The following TLE4 variants were observed in gnomAD, a reference collection of about 807,000 sequenced individuals.
The protein encoded by TLE4 is transducin-like enhancer protein 4.
A neutral mutation model predicts 92.8 loss-of-function variants in TLE4; 8 were observed. The ratio of observed to expected loss-of-function variants is 0.09; its 90% confidence interval spans 0.05 to 0.16. TLE4 has a LOEUF of 0.16. Among genes scored for constraint, TLE4 ranks in the 10% least tolerant of loss-of-function variants. The pLI is 1.00. For synonymous variants in TLE4, 371 were observed against 374.1 expected, an observed-to-expected ratio of 0.99 and a Z score of 0.10; for missense variants, 675 against 997.6, an observed-to-expected ratio of 0.68 and a Z score of 4.36.
chr9:79,592,155 C>CTTCTTTCTTCTTTCTTCT (rs2042715360), intron 4 of TLE4, among the ~76,000 whole-genome samples: 2 of 146,234 alleles, frequency 1.4e-5, no homozygotes, highest in African/African-American at 2.6e-5. Context: ...CTTCTTTCTT[C>CTTCTTTCTTCTTTCTTCT]TTCTTCTTCT....
At chr9:79,626,995 A>C (rs1023061996) in intron 5 of TLE4, among the ~76,000 whole-genome samples, 1 of 152,228 alleles carries the variant, frequency 6.6e-6, no homozygotes. Context: ...ATTTTAATGT[A>C]GATAGCAAAG....
At chr9:79,709,789 G>A in intron 14 of TLE4, 90 bp downstream of exon 14, 1 of 1,033,168 alleles carries the variant, frequency 9.7e-7, no homozygotes, top group Middle Eastern at 2.1e-4. Context: ...AGACAGTGTT[G>A]GGGGAGTTCC....
chr9:79,617,793 G>T (rs966343615), intron 5 of TLE4, among the ~76,000 whole-genome samples: 11 of 151,248 alleles, frequency 7.3e-5, no homozygotes, highest in Non-Finnish European at 1.3e-4. Flanking sequence ...TGAATGTTTG[G>T]CTGCTTTAAC....
At chr9:79,716,146 G>T (rs78431934) in intron 14 of TLE4, among the ~76,000 whole-genome samples, 2 of 152,266 alleles carry the variant, frequency 1.3e-5, no homozygotes, top group East Asian at 3.9e-4. Context: ...ACTCATCACA[G>T]CCTATATGGC....
intron 8 of TLE4, among the ~76,000 whole-genome samples, chr9:79,699,117 GTGCT>G (rs1391922230): frequency 6.6e-6 from 1 of 152,130 alleles, no homozygotes; most frequent in Non-Finnish European, 1.5e-5. Context: ...CAGAAATACA[GTGCT>G]TTGTGGTCTG....
chr9:79,583,470 C>T (rs966114008), intron 4 of TLE4, among the ~76,000 whole-genome samples: 6 of 152,156 alleles, frequency 3.9e-5, no homozygotes, highest in African/African-American at 4.8e-5. Context: ...ACTTCTCTCC[C>T]GGTGCGAGAC....
At chr9:79,665,797 A>T (rs2061296604) in intron 8 of TLE4, among the ~76,000 whole-genome samples, 1 of 152,234 alleles carries the variant, frequency 6.6e-6, no homozygotes. Flanking sequence ...TTTCAAAATT[A>T]GTAAATAATT....
intron 5 of TLE4, among the ~76,000 whole-genome samples, chr9:79,617,834 G>GA (rs202053188): frequency 0.34 from 47,319 of 139,046 alleles, 7,956 homozygotes; most frequent in African/African-American, 0.45. Context: ...TTTTTTCAAG[G>GA]AAAAAAAAAA....
chr9:79,573,328 C>A (rs776571859), intron 1 of TLE4: 75 of 1,071,900 alleles, frequency 7.0e-5, no homozygotes, highest in Non-Finnish European at 7.5e-5. Context: ...CGCAGCCCGA[C>A]GCCATGGCGC....
chr9:79,689,327 GTTTTT>G (rs78898388), intron 8 of TLE4, among the ~76,000 whole-genome samples: 23 of 144,656 alleles, frequency 1.6e-4, no homozygotes, highest in African/African-American at 4.8e-4. Flanking sequence ...TTTTATTGTT[GTTTTT>G]TTTTTTTCTT....
At chr9:79,636,106 A>T (rs1362462928) in intron 6 of TLE4, among the ~76,000 whole-genome samples, 1 of 152,050 alleles carries the variant, frequency 6.6e-6, no homozygotes, top group African/African-American at 2.4e-5. Flanking sequence ...CAGCAGCCAG[A>T]GTGACCTTCT....
intron 8 of TLE4, among the ~76,000 whole-genome samples, chr9:79,661,570 A>G (rs1311337163): frequency 6.6e-6 from 1 of 152,244 alleles, no homozygotes; most frequent in African/African-American, 2.4e-5. Flanking sequence ...GGAGCTGAGT[A>G]GTACTTTCTG....
At chr9:79,628,010 T>A (rs1159894547) in intron 6 of TLE4, among the ~76,000 whole-genome samples, 1 of 152,084 alleles carries the variant, frequency 6.6e-6, no homozygotes, top group Non-Finnish European at 1.5e-5. Context: ...ATAGTGGCAT[T>A]AATGTTGCAT....
Position 79,626,077 on chromosome 9 carries a change from A to G in TLE4, c.316-1297A>G, listed in dbSNP as rs148431076. Among the ~76,000 whole-genome samples the G allele has an allele frequency of 7.8e-4, 118 of 152,216 alleles. 1 individual carries two copies. The East Asian group carries it at 0.022, about 29-fold the overall frequency. On this transcript the variant is annotated intron_variant, in intron 5 of 19. Coordinates refer to ENST00000376552, the MANE Select transcript of TLE4 (RefSeq NM_007005.6). ...CATTAGTCATAGACACAAAATACACATTTCTATTAGGAAACCAAGAGTGAA... is the reference window on the plus strand; with the variant it reads ...CATTAGTCATAGACACAAAATACACGTTTCTATTAGGAAACCAAGAGTGAA...
At chr9:79,576,041 G>T (rs2037647360) in intron 3 of TLE4, 92 bp from the exon 4 acceptor site, 2 of 838,428 alleles carry the variant, frequency 2.4e-6, no homozygotes, top group Non-Finnish European at 3.4e-6. Flanking sequence ...AGGCTTTTAT[G>T]TTTGTTTCAG....
intron 8 of TLE4, among the ~76,000 whole-genome samples, chr9:79,659,864 G>A (rs1408588709): frequency 6.6e-6 from 1 of 152,092 alleles, no homozygotes; most frequent in Non-Finnish European, 1.5e-5. Flanking sequence ...TTTGGACAGT[G>A]GATTTGTATT....
intron 4 of TLE4, among the ~76,000 whole-genome samples, chr9:79,603,243 G>A (rs1427025278): frequency 6.6e-6 from 1 of 152,140 alleles, no homozygotes; most frequent in African/African-American, 2.4e-5. Context: ...AAATTTCAAA[G>A]AAATTCTGTG....
Position 79,606,187 on chromosome 9 carries a change from G to GTTTTTTTTTTTTTTTTTTT in TLE4, c.253-6449_253-6431dup, listed in dbSNP as rs71364420. On this transcript the variant is annotated intron_variant, in intron 4 of 19. Coordinates refer to ENST00000376552, the MANE Select transcript of TLE4 (RefSeq NM_007005.6). Reference sequence around the variant, plus strand: ...ATTGCTTTATTAAGCAGTAGTAGTTGTTTTTTTTTTTTTTTTTTTTTTTTT... The same window carrying GTTTTTTTTTTTTTTTTTTT: ...ATTGCTTTATTAAGCAGTAGTAGTTGTTTTTTTTTTTTTTTTTTTTTTTTTTTTTTTTTTTTTTTTTTTT... Among the ~76,000 whole-genome samples, 39 of 28,714 alleles carry GTTTTTTTTTTTTTTTTTTT rather than the reference G, an allele frequency of 1.4e-3. 12 individuals are homozygous for GTTTTTTTTTTTTTTTTTTT. Among genetic ancestry groups the GTTTTTTTTTTTTTTTTTTT allele is most frequent in the Non-Finnish European group, 1.8e-3 (28 of 15,504 alleles). 18.8% of individuals were successfully genotyped at this position (28,714 alleles called of 152,430 possible).
rs747127471 is a variant in TLE4, at chr9:79,725,028, C to T, written c.2215-9C>T. 6.8e-6 allele frequency: 11 copies of T among 1,606,002 alleles called. No individual in the cohort carries two copies. The highest frequency in any genetic ancestry group is 8.5e-6 in the Non-Finnish European group (10 of 1,173,064). The stretch of plus-strand genomic sequence containing the variant: ...ATTTAACATTTTTGATTATATGTTT[C>T]TTTCCTAGTCCAAAGAATCCTCATC... On this transcript the variant is annotated splice_polypyrimidine_tract_variant and intron_variant, in intron 19 of 19. Transcript: ENST00000376552.
Sources: gnomAD v4.1 joint callset for allele counts (sites outside exome capture counted in the v4.1 genomes callset) on GRCh38, gnomAD v4.1.1 for gene constraint, MANE v1.5 for transcripts, NCBI Gene and HGNC (gene_info 2026-07-23, HGNC 2026-07-21) for gene names.